Variants in B3GAT1 observed in about 807,000 individuals in gnomAD.
The protein encoded by B3GAT1 is galactosylgalactosylxylosylprotein 3-beta-glucuronosyltransferase 1.
B3GAT1 carries 11 observed loss-of-function variants against 28.4 expected under a neutral mutation model. The observed-to-expected ratio is 0.39, with a 90% confidence interval of 0.24 to 0.64. The LOEUF (loss-of-function observed/expected upper bound fraction) is 0.64. B3GAT1 is among the 30% of genes least tolerant of loss of function. B3GAT1 has a pLI of 0.50. For synonymous variants in B3GAT1, 255 were observed against 223.1 expected, an observed-to-expected ratio of 1.14 and a Z score of -1.27; for missense variants, 375 against 491.0, an observed-to-expected ratio of 0.76 and a Z score of 2.23.
intron 2 of B3GAT1, 145 bp downstream of exon 2, chr11:134,387,403 G>A: frequency 9.3e-7 from 1 of 1,075,410 alleles, no homozygotes; most frequent in Admixed American, 2.7e-5. Flanking sequence ...TTCCCAAAGG[G>A]GTGCAAGACT....
intron 1 of B3GAT1, chr11:134,390,111 C>T (rs1044680755): frequency 2.0e-5 from 3 of 152,158 alleles, no homozygotes; most frequent in African/African-American, 7.3e-5. Flanking sequence ...CATTCTAGGC[C>T]GTGTGTGTCT....
Position 134,387,717 on chromosome 11 carries a change from GA to G in B3GAT1, c.-59del, listed in dbSNP as rs748359531. 14 of 1,609,002 alleles carry G rather than the reference GA, an allele frequency of 8.7e-6. No homozygotes were observed. The highest frequency in any genetic ancestry group is 1.2e-5 in the Non-Finnish European group (14 of 1,178,014). On this transcript the variant is annotated 5_prime_UTR_variant, in exon 2 of 6. An upstream open reading frame in the 5' UTR loses its in-frame stop. Transcript: ENST00000312527. ...TACCTGAGTGGCGGTAAGTTCAGGA[GA>G]GGGGCGGCCACGGGCGGCGGCAGCA...
rs1036622643 is a variant in B3GAT1 at position 134,382,006 on chromosome 11, G to T, written c.937C>A (p.Arg313=). Residue 313 remains arginine (R), a synonymous_variant, in exon 5 of 6, where the codon CGG becomes AGG. Transcript: ENST00000312527. ...NCTKILVWHT[R]TEKPVLVNEG... is the part of the protein sequence containing the mutation. ...TTCACCAGCACTGGCTTCTCTGTCCGTGTGTGCCACACCAGGATCTGTGTG... is the reference window on the plus strand; with the variant it reads ...TTCACCAGCACTGGCTTCTCTGTCCTTGTGTGCCACACCAGGATCTGTGTG... 1 of 1,613,906 alleles carries T rather than the reference G, an allele frequency of 6.2e-7. No homozygotes were observed. Among genetic ancestry groups the T allele is most frequent in the Non-Finnish European group, 8.5e-7 (1 of 1,180,022 alleles).
At chr11:134,400,288 C>T (rs747500139) in intron 1 of B3GAT1, among the ~76,000 whole-genome samples, 2 of 152,124 alleles carry the variant, frequency 1.3e-5, no homozygotes, top group East Asian at 1.9e-4. Flanking sequence ...CCTCCGGGGG[C>T]GCCTGGTCTT....
At chr11:134,389,239 T>C (rs1010772851) in intron 1 of B3GAT1, 2 of 152,314 alleles carry the variant, frequency 1.3e-5, no homozygotes, top group Non-Finnish European at 2.9e-5. Flanking sequence ...TCTGGGATGG[T>C]CCCTGGGGGG....
intron 1 of B3GAT1, chr11:134,392,100 CG>C (rs1433526490): frequency 6.6e-6 from 1 of 152,200 alleles, no homozygotes; most frequent in Admixed American, 6.5e-5. Flanking sequence ...TAGGGCTCTG[CG>C]AAGATGAAGG....
chr11:134,398,375 G>A (rs1944545439), intron 1 of B3GAT1, among the ~76,000 whole-genome samples: 2 of 152,182 alleles, frequency 1.3e-5, no homozygotes, highest in South Asian at 4.1e-4. Context: ...ACATAGATGG[G>A]GTGAGGCCAA....
intron 2 of B3GAT1, 69 bp from the exon 3 acceptor site, chr11:134,384,257 G>A (rs1944221592): frequency 3.4e-6 from 5 of 1,470,504 alleles, no homozygotes; most frequent in South Asian, 2.7e-5. Flanking sequence ...AGAGCGGGAC[G>A]CCACCCACCC....
chr11:134,401,297 C>T (rs1202319499), intron 1 of B3GAT1, among the ~76,000 whole-genome samples: 1 of 152,210 alleles, frequency 6.6e-6, no homozygotes, highest in Non-Finnish European at 1.5e-5. Flanking sequence ...TATCGCAGCA[C>T]TATTCATAAC....
intron 1 of B3GAT1, among the ~76,000 whole-genome samples, chr11:134,401,934 C>T (rs1253886105): frequency 8.2e-6 from 1 of 122,486 alleles, no homozygotes; most frequent in Non-Finnish European, 1.6e-5. Context: ...CTGGGCACAC[C>T]AGCATGCAGT....
chr11:134,403,983 TTATATATATATATATATA>T (rs55794505), intron 1 of B3GAT1, among the ~76,000 whole-genome samples: 468 of 40,692 alleles, frequency 0.012, 21 homozygotes, highest in South Asian at 0.017. Context: ...GTTTCTTTCT[TTATATATATATATATATA>T]TATATATATA....
rs1944445747 is a variant in B3GAT1, at chr11:134,393,304, C to A, written c.-281-5364G>T. Among the ~76,000 whole-genome samples the A allele has an allele frequency of 6.6e-6, 1 of 152,162 alleles. No individual in the cohort carries two copies. The highest frequency in any genetic ancestry group is 2.4e-5 in the African/African-American group (1 of 41,442). On this transcript the variant is annotated intron_variant, in intron 1 of 5. Transcript: ENST00000312527. The surrounding 1 kb of genome is among the most constrained non-coding windows in gnomAD (Gnocchi z 4.0). ...GCCAGTTGTCCCATAGATGATGTTT[C>A]CCCAGGACTGCACAATGCATGCTAA...
At chr11:134,384,408 T>G in intron 2 of B3GAT1, 2 of 544,234 alleles carry the variant, frequency 3.7e-6, no homozygotes, top group Non-Finnish European at 6.2e-6. Context: ...AGACATAACC[T>G]CTTCCTTCCC....
chr11:134,391,361 C>T (rs1029229335), intron 1 of B3GAT1: 1 of 152,222 alleles, frequency 6.6e-6, no homozygotes, highest in Non-Finnish European at 1.5e-5. Context: ...GGCTTGGGGC[C>T]AGGCAGCGGG....
chr11:134,404,086 T>A (rs1398270016), intron 1 of B3GAT1, among the ~76,000 whole-genome samples: 1 of 147,840 alleles, frequency 6.8e-6, no homozygotes, highest in Admixed American at 6.7e-5. Flanking sequence ...TTGTTACATA[T>A]GTATACATGT....
At chr11:134,407,968 C>G (rs1005907264) in intron 1 of B3GAT1, among the ~76,000 whole-genome samples, 1 of 143,868 alleles carries the variant, frequency 7.0e-6, no homozygotes, top group African/African-American at 2.8e-5. Context: ...ATTTTGGTGT[C>G]AAGATTTTTT....
chr11:134,405,563 G>A (rs1397797806), intron 1 of B3GAT1, among the ~76,000 whole-genome samples: 1 of 152,196 alleles, frequency 6.6e-6, no homozygotes, highest in Non-Finnish European at 1.5e-5. Flanking sequence ...AGCCGTCTGA[G>A]GGAGAAGAGA....
Position 134,387,807 on chromosome 11 carries a change from T to C in B3GAT1, c.-148A>G, listed in dbSNP as rs1171873194. 1 of 1,536,150 alleles carries C rather than the reference T, an allele frequency of 6.5e-7. No individual in the cohort carries two copies. The highest frequency in any genetic ancestry group is 1.4e-5 in the African/African-American group (1 of 73,014). On this transcript the variant is annotated 5_prime_UTR_variant, in exon 2 of 6. Transcript: ENST00000312527. ...GCATGGAGAGGACAGAGCAGCTGAATGTTGGCTAGCAGGTCTTACCAGCAC... is the reference window on the plus strand; with the variant it reads ...GCATGGAGAGGACAGAGCAGCTGAACGTTGGCTAGCAGGTCTTACCAGCAC...
intron 5 of B3GAT1, among the ~76,000 whole-genome samples, chr11:134,381,235 ACAT>A (rs1428579903): frequency 1.3e-5 from 2 of 152,182 alleles, no homozygotes; most frequent in African/African-American, 4.8e-5. Flanking sequence ...GCTTCTCTCA[ACAT>A]CATTTCTTTG....
Sources: gnomAD v4.1 joint callset for allele counts (sites outside exome capture counted in the v4.1 genomes callset) on GRCh38, gnomAD v4.1.1 for gene constraint, Gnocchi (gnomAD v3.1) non-coding constraint, MANE v1.5 for transcripts, NCBI Gene and HGNC (gene_info 2026-07-23, HGNC 2026-07-21) for gene names.